Variants in DLG2 observed in about 807,000 individuals in gnomAD.
The protein encoded by DLG2 is disks large homolog 2.
DLG2 carries 45 observed loss-of-function variants against 132.5 expected under a neutral mutation model. The ratio of observed to expected loss-of-function variants is 0.34; its 90% CI spans 0.27 to 0.44. The LOEUF is 0.44. DLG2 is among the 20% of genes least tolerant of loss of function. The pLI is 1.00. For missense variants in DLG2, 1,045 were observed against 1,196.9 expected (o/e 0.87, Z 1.87); for synonymous variants, 424 against 419.6 (o/e 1.01, Z -0.13).
chr11:84,973,831 C>T (rs2054471157), intron 6 of DLG2, among the ~76,000 whole-genome samples: 1 of 152,076 alleles, frequency 6.6e-6, no homozygotes, highest in African/African-American at 2.4e-5. Flanking sequence ...TCCATGAATA[C>T]TTAATTTATA....
chr11:84,741,322 G>A (rs1389092316), intron 6 of DLG2, among the ~76,000 whole-genome samples: 1 of 151,916 alleles, frequency 6.6e-6, no homozygotes, highest in Non-Finnish European at 1.5e-5. Flanking sequence ...CCAAAGTGCT[G>A]GGATTACAGG....
At chr11:85,587,350 G>A (rs1478745164) in intron 3 of DLG2, among the ~76,000 whole-genome samples, 3 of 152,006 alleles carry the variant, frequency 2.0e-5, no homozygotes, top group African/African-American at 7.2e-5. Flanking sequence ...CTTAGGTCTA[G>A]TAATAATTAT....
At chr11:85,192,463 T>C (rs1022015607) in intron 4 of DLG2, among the ~76,000 whole-genome samples, 13 of 152,042 alleles carry the variant, frequency 8.6e-5, no homozygotes, top group Non-Finnish European at 1.3e-4. Context: ...GGAGAAACCA[T>C]AGGGGGAGTG....
At chr11:85,267,388 G>A (rs146329429) in intron 4 of DLG2, among the ~76,000 whole-genome samples, 65 of 152,274 alleles carry the variant, frequency 4.3e-4, no homozygotes, top group African/African-American at 1.5e-3. Context: ...TTGGCAGCCC[G>A]AACTGACTTA....
At chr11:85,221,060 T>G (rs78188429) in intron 4 of DLG2, among the ~76,000 whole-genome samples, 1 of 151,504 alleles carries the variant, frequency 6.6e-6, no homozygotes, top group Non-Finnish European at 1.5e-5. Flanking sequence ...TTTTTTTTTT[T>G]GAGACAGAGT....
intron 4 of DLG2, among the ~76,000 whole-genome samples, chr11:85,185,346 T>A (rs1254891223): frequency 1.3e-5 from 2 of 152,058 alleles, no homozygotes; most frequent in Non-Finnish European, 2.9e-5. Context: ...TTTGGAAGTC[T>A]TCCCATTAGA....
intron 6 of DLG2, among the ~76,000 whole-genome samples, chr11:84,748,986 C>T (rs1275675244): frequency 1.3e-5 from 2 of 152,062 alleles, no homozygotes. Flanking sequence ...CTGGACAAAA[C>T]AGCAACACCC....
chr11:83,864,208 C>G (rs557656240), intron 16 of DLG2, among the ~76,000 whole-genome samples: 3 of 152,194 alleles, frequency 2.0e-5, no homozygotes, highest in Admixed American at 6.5e-5. Context: ...TCCACCCGAA[C>G]AGTGCTAGTA....
At chr11:83,542,401 C>T (rs1026106152) in intron 19 of DLG2, among the ~76,000 whole-genome samples, 7 of 152,118 alleles carry the variant, frequency 4.6e-5, no homozygotes, top group Non-Finnish European at 8.8e-5. Flanking sequence ...TGGACCACCA[C>T]TGCAACTGGA....
chr11:83,772,448 A>AGGAG (rs562337022), intron 18 of DLG2, among the ~76,000 whole-genome samples: 7,978 of 125,272 alleles, frequency 0.064, 322 homozygotes, highest in Non-Finnish European at 0.088. Context: ...AAAAAAGAGA[A>AGGAG]GGAGGGAGGG....
intron 19 of DLG2, among the ~76,000 whole-genome samples, chr11:83,589,525 A>G (rs1470106326): frequency 2.0e-5 from 3 of 152,136 alleles, no homozygotes; most frequent in African/African-American, 7.2e-5. Context: ...GGAACCAGCC[A>G]CTGCAAAATC....
At chr11:85,118,856 C>T (rs1032811194) in intron 5 of DLG2, among the ~76,000 whole-genome samples, 4 of 151,638 alleles carry the variant, frequency 2.6e-5, no homozygotes, top group Non-Finnish European at 4.4e-5. Flanking sequence ...TAAAACCTAG[C>T]TTAAGGAATT....
At chr11:83,535,180 G>C (rs2095851448) in intron 20 of DLG2, among the ~76,000 whole-genome samples, 4 of 152,124 alleles carry the variant, frequency 2.6e-5, no homozygotes. Flanking sequence ...TGATCTCTTT[G>C]TATTCTTCTA....
chr11:85,253,407 T>A (rs1171642893), intron 4 of DLG2, among the ~76,000 whole-genome samples: 3 of 152,178 alleles, frequency 2.0e-5, no homozygotes, highest in Admixed American at 1.3e-4. Flanking sequence ...TGGAACTGGC[T>A]GGCCACTTTA....
chr11:83,856,860 T>G (rs1250282285), intron 16 of DLG2, among the ~76,000 whole-genome samples: 1 of 152,218 alleles, frequency 6.6e-6, no homozygotes, highest in Non-Finnish European at 1.5e-5. Flanking sequence ...TTTGCTTTGG[T>G]GTAATTGCTT....
At chr11:84,103,176 C>T (rs1204093364) in intron 9 of DLG2, among the ~76,000 whole-genome samples, 1 of 152,108 alleles carries the variant, frequency 6.6e-6, no homozygotes, top group African/African-American at 2.4e-5. Context: ...CTTTCACCTC[C>T]CTTTATTGTT....
intron 9 of DLG2, among the ~76,000 whole-genome samples, chr11:84,132,827 T>A (rs1160523302): frequency 6.6e-6 from 1 of 151,976 alleles, no homozygotes; most frequent in Non-Finnish European, 1.5e-5. Context: ...ACCTGAAGGA[T>A]CACTAAAAAT....
intron 6 of DLG2, among the ~76,000 whole-genome samples, chr11:84,760,268 G>T (rs896793849): frequency 6.6e-6 from 1 of 152,164 alleles, no homozygotes; most frequent in Non-Finnish European, 1.5e-5. Flanking sequence ...ATCCAGGGCT[G>T]CCAAGCAAAC....
At chr11:85,045,010 A>T (rs1289133160) in intron 6 of DLG2, among the ~76,000 whole-genome samples, 1 of 151,980 alleles carries the variant, frequency 6.6e-6, no homozygotes, top group Admixed American at 6.6e-5. Context: ...TGAGAGCTGG[A>T]AATAGGAAAG....
Sources: gnomAD v4.1 joint callset for allele counts (sites outside exome capture counted in the v4.1 genomes callset) on GRCh38, gnomAD v4.1.1 for gene constraint, MANE v1.5 for transcripts, NCBI Gene and HGNC (gene_info 2026-07-23, HGNC 2026-07-21) for gene names.